The following SH3RF3 variants were observed in gnomAD, a reference collection of about 807,000 sequenced individuals.
SH3RF3 encodes E3 ubiquitin-protein ligase SH3RF3.
Under a neutral mutation model 66.3 loss-of-function variants are expected in SH3RF3, and 29 were observed. That is an observed-to-expected ratio of 0.44 (90% CI 0.33 to 0.60). The LOEUF (loss-of-function observed/expected upper bound fraction) is 0.60. Ranked by LOEUF, SH3RF3 falls within the 20% of genes least tolerant of loss-of-function variation. The pLI, the probability that SH3RF3 is intolerant of heterozygous loss-of-function variation, is 0.04. For synonymous variants in SH3RF3, 583 were observed against 532.0 expected (o/e 1.10, Z -1.32); for missense variants, 1,194 against 1,190.9 (o/e 1.00, Z -0.04).
At position 109,398,775 on chromosome 2, in the gene SH3RF3, G is replaced by C. The variant is rs1302048072; in HGVS notation, c.1131G>C (p.Lys377Asn). The C allele has an allele frequency of 6.2e-7, 1 of 1,613,706 alleles. No homozygotes were observed. The highest frequency in any genetic ancestry group is 1.7e-5 in the Admixed American group (1 of 59,984). Residue 377 changes from lysine to asparagine, a missense_variant, in exon 4 of 10, where the codon AAG (lysine) becomes AAC (asparagine). Physicochemically the swap from Lys to Asn is moderately conservative, Grantham distance 94. Coordinates refer to ENST00000309415, the MANE Select transcript of SH3RF3 (RefSeq NM_001099289.3). The part of the protein sequence containing the change: ...QRRVDGKKNT[K>N]KRHSFTALSV... The stretch of plus-strand genomic sequence containing the variant: ...GTGTGGATGGCAAGAAGAACACCAA[G>C]AAACGCCACTCCTTCACCGCGCTCA...
At chr2:109,288,917 G>A (rs1378297512) in intron 1 of SH3RF3, among the ~76,000 whole-genome samples, 1 of 152,202 alleles carries the variant, frequency 6.6e-6, no homozygotes, top group South Asian at 2.1e-4. Flanking sequence ...ATAAGAGATT[G>A]CATCTTGACT....
At chr2:109,212,820 G>A (rs1442077827) in intron 1 of SH3RF3, among the ~76,000 whole-genome samples, 4 of 152,172 alleles carry the variant, frequency 2.6e-5, no homozygotes, top group African/African-American at 9.7e-5. Context: ...TAGACCTCCT[G>A]GTGAGCTGGT....
chr2:109,295,219 A>AGGCACCCT (rs1681280582), intron 1 of SH3RF3, among the ~76,000 whole-genome samples: 1 of 152,188 alleles, frequency 6.6e-6, no homozygotes, highest in Non-Finnish European at 1.5e-5. Flanking sequence ...GCAGGCATGC[A>AGGCACCCT]GGCACCCTGG....
chr2:109,197,170 G>C (rs1558952340), intron 1 of SH3RF3, among the ~76,000 whole-genome samples: 1 of 152,154 alleles, frequency 6.6e-6, no homozygotes, highest in Admixed American at 6.5e-5. Context: ...GCAGCCCTGC[G>C]GCCCAGGAAG....
chr2:109,204,504 C>T (rs1678760783), intron 1 of SH3RF3, among the ~76,000 whole-genome samples: 1 of 152,108 alleles, frequency 6.6e-6, no homozygotes, highest in Admixed American at 6.6e-5. Flanking sequence ...TTATTCTAGA[C>T]TAGTTTCTCA....
At chr2:109,394,992 T>TG (rs1372407118) in intron 3 of SH3RF3, among the ~76,000 whole-genome samples, 2 of 152,212 alleles carry the variant, frequency 1.3e-5, no homozygotes, top group African/African-American at 4.8e-5. Flanking sequence ...GTGTGGCCGG[T>TG]GAGGGTCCTT....
chr2:109,413,805 T>C (rs1676654939), intron 4 of SH3RF3, among the ~76,000 whole-genome samples: 1 of 152,198 alleles, frequency 6.6e-6, no homozygotes. Context: ...CAGGGGACTG[T>C]GGGTCCACTG....
chr2:109,478,198 A>G (rs1678739596), intron 8 of SH3RF3, among the ~76,000 whole-genome samples: 1 of 152,162 alleles, frequency 6.6e-6, no homozygotes, highest in African/African-American at 2.4e-5. Flanking sequence ...CGGCCTTGTT[A>G]AGTTTCACAC....
chr2:109,375,890 C>T (rs62152248), intron 3 of SH3RF3, among the ~76,000 whole-genome samples: 43,753 of 152,228 alleles, frequency 0.29, 7,115 homozygotes, highest in Non-Finnish European at 0.38. Context: ...ATGCGGGCTT[C>T]AGAGCAGACC....
intron 8 of SH3RF3, among the ~76,000 whole-genome samples, chr2:109,454,807 G>T (rs1450722403): frequency 2.0e-5 from 3 of 151,912 alleles, no homozygotes; most frequent in African/African-American, 7.3e-5. Context: ...GCCTTAGGTC[G>T]ACAACCCCAG....
intron 1 of SH3RF3, among the ~76,000 whole-genome samples, chr2:109,308,993 G>A (rs1207715179): frequency 1.2e-5 from 1 of 80,860 alleles, no homozygotes; most frequent in Middle Eastern, 5.0e-3. Context: ...GGATGGCATT[G>A]AATCTGTAAA....
chr2:109,386,608 T>G (rs921369532), intron 3 of SH3RF3, among the ~76,000 whole-genome samples: 1 of 152,158 alleles, frequency 6.6e-6, no homozygotes, highest in Non-Finnish European at 1.5e-5. Flanking sequence ...CCCTTCTGTT[T>G]GGGCCCGGCT....
chr2:109,224,847 ACT>A (rs892173004), intron 1 of SH3RF3, among the ~76,000 whole-genome samples: 6 of 152,010 alleles, frequency 3.9e-5, no homozygotes, highest in South Asian at 2.1e-4. Flanking sequence ...ACAGAGCAAG[ACT>A]CTGTCTCAAA....
chr2:109,331,168 C>T (rs1377118144), intron 1 of SH3RF3, among the ~76,000 whole-genome samples: 2 of 152,178 alleles, frequency 1.3e-5, no homozygotes, highest in African/African-American at 2.4e-5. Context: ...ACTTTTGGAT[C>T]TGTTCCCTGG....
chr2:109,231,510 AATAAAT>A (rs1248549648), intron 1 of SH3RF3, among the ~76,000 whole-genome samples: 1 of 152,172 alleles, frequency 6.6e-6, no homozygotes. Context: ...ATCTATGAAG[AATAAAT>A]ATCGTGCTCT....
intron 4 of SH3RF3, among the ~76,000 whole-genome samples, chr2:109,413,336 A>T (rs1676643193): frequency 6.6e-6 from 1 of 151,980 alleles, no homozygotes; most frequent in African/African-American, 2.4e-5. Flanking sequence ...CTGGTCTCGA[A>T]CTCCTGACCT....
chr2:109,214,012 A>G (rs970924373), intron 1 of SH3RF3, among the ~76,000 whole-genome samples: 2 of 151,986 alleles, frequency 1.3e-5, no homozygotes, highest in Non-Finnish European at 2.9e-5. Context: ...CAGGGGAGGG[A>G]GGAGCTCTGA....
At chr2:109,305,563 C>T (rs35709286) in intron 1 of SH3RF3, among the ~76,000 whole-genome samples, 2 of 152,138 alleles carry the variant, frequency 1.3e-5, no homozygotes, top group Admixed American at 6.5e-5. Context: ...CAGGAAGCTC[C>T]GTACAAGCAG....
At chr2:109,379,993 A>G (rs1012531739) in intron 3 of SH3RF3, among the ~76,000 whole-genome samples, 2 of 152,114 alleles carry the variant, frequency 1.3e-5, no homozygotes, top group Non-Finnish European at 2.9e-5. Context: ...TTACCTTTCA[A>G]TTGGATTAAC....
Sources: allele counts gnomAD v4.1 joint callset (sites outside exome capture counted in the v4.1 genomes callset), GRCh38; gene constraint gnomAD v4.1.1; transcripts MANE v1.5; gene names NCBI Gene and HGNC (gene_info 2026-07-23, HGNC 2026-07-21).